The following CYB5R4 variants were observed in gnomAD, a reference collection of about 807,000 sequenced individuals.
CYB5R4 encodes the protein cytochrome b5 reductase 4.
Under a neutral mutation model 70.2 loss-of-function variants are expected in CYB5R4, and 55 were observed. The observed-to-expected ratio is 0.78, with a 90% CI of 0.63 to 0.98. CYB5R4 has a LOEUF of 0.98. Among genes scored for constraint, CYB5R4 ranks in the 50% least tolerant of loss-of-function variants. CYB5R4 has a pLI of 0.00. For missense variants in CYB5R4, 562 were observed against 612.6 expected, an observed-to-expected ratio of 0.92 and a Z score of 0.87; for synonymous variants, 197 against 199.5, an observed-to-expected ratio of 0.99 and a Z score of 0.11.
In CYB5R4 at chr6:83,962,365, G is replaced by A. The variant is rs780046577; in HGVS notation, c.*2487G>A. On this transcript the variant is annotated 3_prime_UTR_variant, in exon 16 of 16. Coordinates refer to ENST00000369681, the MANE Select transcript of CYB5R4 (RefSeq NM_016230.4). ...CCAATGAATGCAACCAAATACTGAG[G>A]AGCACAGATAGGAGTATAGTTTATC... 3.3e-5 allele frequency: 5 copies of A among 152,056 alleles called. No individual in the cohort carries two copies. Among genetic ancestry groups the A allele is most frequent in the Admixed American group, 6.6e-5 (1 of 15,264 alleles). 9.4% of individuals were successfully genotyped at this position (152,056 alleles called of 1,614,324 possible).
At chr6:83,908,506 G>C (rs2099464168) in intron 3 of CYB5R4, among the ~76,000 whole-genome samples, 1 of 151,780 alleles carries the variant, frequency 6.6e-6, no homozygotes, top group Non-Finnish European at 1.5e-5. Context: ...TGTACCCAAG[G>C]GTCAAAATTT....
chr6:83,913,995 A>G (rs2099465090), intron 4 of CYB5R4, among the ~76,000 whole-genome samples: 1 of 152,184 alleles, frequency 6.6e-6, no homozygotes, highest in South Asian at 2.1e-4. Flanking sequence ...GTAAAAGGGA[A>G]AGATAAGGCA....
intron 14 of CYB5R4, among the ~76,000 whole-genome samples, chr6:83,949,253 T>C (rs1293292518): frequency 6.6e-6 from 1 of 152,052 alleles, no homozygotes; most frequent in Non-Finnish European, 1.5e-5. Flanking sequence ...AGGAGAACCC[T>C]GGCCTTAAAG....
At chr6:83,947,517 A>C (rs1388778331) in intron 14 of CYB5R4, among the ~76,000 whole-genome samples, 4 of 152,268 alleles carry the variant, frequency 2.6e-5, no homozygotes, top group Non-Finnish European at 4.4e-5. Flanking sequence ...TAAAACTCCA[A>C]AAGCAATTGC....
chr6:83,897,601 GA>G (rs1278333203), intron 3 of CYB5R4, among the ~76,000 whole-genome samples: 1 of 152,194 alleles, frequency 6.6e-6, no homozygotes, highest in Non-Finnish European at 1.5e-5. Flanking sequence ...ACTGGTGGGA[GA>G]TGGTATCTCA....
At chr6:83,887,011 G>C (rs2099460351) in intron 2 of CYB5R4, among the ~76,000 whole-genome samples, 1 of 152,066 alleles carries the variant, frequency 6.6e-6, no homozygotes, top group African/African-American at 2.4e-5. Context: ...ATTGTAGGAT[G>C]CCCACAGTCT....
chr6:83,897,430 G>C (rs1038570208), intron 3 of CYB5R4, among the ~76,000 whole-genome samples: 1 of 152,184 alleles, frequency 6.6e-6, no homozygotes, highest in African/African-American at 2.4e-5. Context: ...GGATGGCTGG[G>C]TCAAATGGTA....
intron 1 of CYB5R4, among the ~76,000 whole-genome samples, chr6:83,863,548 T>G (rs987117630): frequency 2.0e-5 from 3 of 152,212 alleles, no homozygotes; most frequent in African/African-American, 4.8e-5. Flanking sequence ...GAAGAAATTT[T>G]GGTCCAAACT....
chr6:83,954,832 C>T (rs1184996701), intron 14 of CYB5R4, among the ~76,000 whole-genome samples: 1 of 151,990 alleles, frequency 6.6e-6, no homozygotes, highest in Non-Finnish European at 1.5e-5. Context: ...CCTGCCTCAG[C>T]TTCCCAAATA....
intron 3 of CYB5R4, among the ~76,000 whole-genome samples, chr6:83,898,683 C>T (rs2099462344): frequency 6.6e-6 from 1 of 152,078 alleles, no homozygotes; most frequent in Non-Finnish European, 1.5e-5. Context: ...CCTTCACATC[C>T]CTTGTAAGTT....
At chr6:83,888,678 A>G (rs1405918172) in intron 2 of CYB5R4, among the ~76,000 whole-genome samples, 1 of 152,146 alleles carries the variant, frequency 6.6e-6, no homozygotes, top group Admixed American at 6.6e-5. Context: ...GATTAGGACA[A>G]TTAATATCCC....
chr6:83,920,967 A>G, intron 7 of CYB5R4, 115 bp from the exon 8 acceptor site: 2 of 697,088 alleles, frequency 2.9e-6, no homozygotes, highest in Non-Finnish European at 4.2e-6. Flanking sequence ...TTTAGCTTGG[A>G]GGTTCAATAA....
chr6:83,951,445 G>A (rs555849104), intron 14 of CYB5R4, among the ~76,000 whole-genome samples: 12 of 151,914 alleles, frequency 7.9e-5, no homozygotes, highest in East Asian at 3.9e-4. Flanking sequence ...CCCCTCCACC[G>A]CCCAACAGGC....
intron 10 of CYB5R4, among the ~76,000 whole-genome samples, chr6:83,925,121 G>T (rs2099467074): frequency 6.6e-6 from 1 of 152,100 alleles, no homozygotes; most frequent in African/African-American, 2.4e-5. Flanking sequence ...TAGGAAGCAT[G>T]GTCCTGGCAT....
At chr6:83,876,440 TATC>T (rs1293555946) in intron 2 of CYB5R4, among the ~76,000 whole-genome samples, 9 of 151,996 alleles carry the variant, frequency 5.9e-5, no homozygotes, top group Non-Finnish European at 8.8e-5. Flanking sequence ...TTGACATAGT[TATC>T]ATTATATTTT....
At chr6:83,931,027 C>T (rs1188045434) in intron 10 of CYB5R4, among the ~76,000 whole-genome samples, 3 of 152,188 alleles carry the variant, frequency 2.0e-5, no homozygotes, top group African/African-American at 7.2e-5. Context: ...TTTCATCTAT[C>T]CAGACCACTC....
intron 5 of CYB5R4, among the ~76,000 whole-genome samples, chr6:83,917,147 A>G (rs1189577288): frequency 1.3e-5 from 2 of 152,140 alleles, no homozygotes; most frequent in African/African-American, 2.4e-5. Flanking sequence ...AAAATGCATC[A>G]TACACCCAAG....
At chr6:83,886,398 C>T (rs576963774) in intron 2 of CYB5R4, among the ~76,000 whole-genome samples, 4 of 152,230 alleles carry the variant, frequency 2.6e-5, no homozygotes, top group African/African-American at 7.2e-5. Flanking sequence ...TGCTCATCCA[C>T]TGATAAATAA....
At chr6:83,949,505 T>G (rs2099471188) in intron 14 of CYB5R4, among the ~76,000 whole-genome samples, 1 of 152,160 alleles carries the variant, frequency 6.6e-6, no homozygotes, top group South Asian at 2.1e-4. Context: ...CAAAATATGT[T>G]ACTGGAACAC....
Sources: gnomAD v4.1 joint callset for allele counts (sites outside exome capture counted in the v4.1 genomes callset) on GRCh38, gnomAD v4.1.1 for gene constraint, MANE v1.5 for transcripts, NCBI Gene and HGNC (gene_info 2026-07-23, HGNC 2026-07-21) for gene names.